The following YTHDC2 variants were observed in gnomAD, a reference collection of about 807,000 sequenced individuals.
The protein encoded by YTHDC2 is 3'-5' RNA helicase YTHDC2.
YTHDC2 carries 45 observed loss-of-function variants against 174.9 expected under a neutral mutation model. The ratio of observed to expected loss-of-function variants is 0.26; its 90% CI spans 0.20 to 0.33. The LOEUF is 0.33. Ranked by LOEUF, YTHDC2 falls within the 10% of genes least tolerant of loss-of-function variation. The probability of loss-of-function intolerance (pLI) is 1.00; values close to 1 mark genes in which losing one functional copy is unlikely to be tolerated. For missense variants in YTHDC2, 1,650 were observed against 1,723.7 expected, an observed-to-expected ratio of 0.96 and a Z score of 0.76; for synonymous variants, 657 against 574.5, an observed-to-expected ratio of 1.14 and a Z score of -2.05.
chr5:113,563,961 G>A lies in YTHDC2; in HGVS notation c.2545G>A (p.Val849Ile), dbSNP rs145628878. 11 of 1,614,158 alleles carry A rather than the reference G, an allele frequency of 6.8e-6. No individual in the cohort carries two copies. The highest frequency in any genetic ancestry group is 8.5e-6 in the Non-Finnish European group (10 of 1,180,026). The change falls in exon 20 of 30, where the codon GTT becomes ATT. Residue 849 changes from valine to isoleucine, a missense_variant. Val to Ile is a conservative substitution (Grantham distance 29). Coordinates refer to ENST00000161863, the MANE Select transcript of YTHDC2 (RefSeq NM_022828.5). ...PHLGKMVLCA[V>I]VLKCLDPILT... ...TCTTGGTAAAATGGTCTTGTGTGCT[G>A]TTGTTTTAAAGTGTCTGGACCCCAT...
chr5:113,560,364 TTC>T (rs1230074727), intron 17 of YTHDC2, among the ~76,000 whole-genome samples: 4 of 152,208 alleles, frequency 2.6e-5, no homozygotes, highest in Non-Finnish European at 5.9e-5. Flanking sequence ...TTTTATTTTT[TTC>T]TCTTTTAATT....
intron 26 of YTHDC2, among the ~76,000 whole-genome samples, chr5:113,588,632 T>A (rs1476347355): frequency 7.0e-6 from 1 of 143,094 alleles, no homozygotes; most frequent in Non-Finnish European, 1.5e-5. Flanking sequence ...ATTTATATTA[T>A]TTTTTTTTGA....
At chr5:113,562,876 GTAGT>G (rs1050136020) in intron 18 of YTHDC2, among the ~76,000 whole-genome samples, 39 of 152,164 alleles carry the variant, frequency 2.6e-4, no homozygotes, top group African/African-American at 7.9e-4. Flanking sequence ...TCGTAATTAA[GTAGT>G]TAATTATATA....
At chr5:113,565,361 C>A (rs1480176613) in intron 20 of YTHDC2, among the ~76,000 whole-genome samples, 2 of 152,110 alleles carry the variant, frequency 1.3e-5, no homozygotes, top group African/African-American at 4.8e-5. Context: ...CCAGCTCCTT[C>A]AAAAGCAGAG....
At chr5:113,566,998 C>A in intron 21 of YTHDC2, 94 bp from the exon 22 acceptor site, 1 of 1,360,282 alleles carries the variant, frequency 7.4e-7, no homozygotes, top group Non-Finnish European at 9.9e-7. Context: ...TTGAATATCA[C>A]AAAATTTACA....
chr5:113,545,026 A>G (rs146544397), intron 10 of YTHDC2, among the ~76,000 whole-genome samples: 16 of 152,186 alleles, frequency 1.1e-4, no homozygotes, highest in African/African-American at 3.6e-4. Context: ...TGAGCTTGAG[A>G]TATTCTGTTT....
At chr5:113,521,879 A>C (rs1254688049) in intron 2 of YTHDC2, among the ~76,000 whole-genome samples, 2 of 151,412 alleles carry the variant, frequency 1.3e-5, no homozygotes, top group East Asian at 3.9e-4. Flanking sequence ...CATAGTGACC[A>C]TACCTTGAAA....
chr5:113,535,725 A>G lies in YTHDC2; in HGVS notation c.1029A>G (p.Lys343=). ...TGTTGCAAAAGCACCCAACTTTGAA[A>G]CTAATTCTTTCTAGTGCTGCCTTGG... is the stretch of plus-strand genomic sequence containing the variant. ...RDLLQKHPTL[K]LILSSAALDV... Residue 343 remains lysine, a synonymous_variant, in exon 7 of 30, where the codon AAA becomes AAG. Transcript: ENST00000161863. The G allele has an allele frequency of 6.2e-7, 1 of 1,613,826 alleles. No individual in the cohort carries two copies. Among genetic ancestry groups the G allele is most frequent in the Non-Finnish European group, 8.5e-7 (1 of 1,179,874 alleles).
chr5:113,557,513 G>T (rs965449472), intron 17 of YTHDC2, among the ~76,000 whole-genome samples: 2 of 152,154 alleles, frequency 1.3e-5, no homozygotes, highest in African/African-American at 4.8e-5. Flanking sequence ...TGTGGGTAAG[G>T]CTGGGTGTAG....
At chr5:113,586,230 G>GT (rs1377854217) in intron 26 of YTHDC2, among the ~76,000 whole-genome samples, 1 of 151,916 alleles carries the variant, frequency 6.6e-6, no homozygotes, top group East Asian at 1.9e-4. Context: ...GGCCATTATA[G>GT]TTTTAATTTG....
In YTHDC2 at chr5:113,539,088, T is replaced by C. The variant is rs1406671202; in HGVS notation, c.1117T>C (p.Phe373Leu). ...TTATTATTTAGTACAGGGAAGACCATTTGAAGTAAAAGAAATGTTTCTGGA... is the reference window on the plus strand; with the variant it reads ...TTATTATTTAGTACAGGGAAGACCACTTGAAGTAAAAGAAATGTTTCTGGA... The part of the protein sequence containing the change: ...CPVIYIQGRP[F>L]EVKEMFLEDI... The change falls in exon 8 of 30, where the codon TTT becomes CTT. Residue 373 changes from phenylalanine to leucine, a missense_variant. Transcript: ENST00000161863. 2.1e-6 allele frequency: 3 copies of C among 1,411,288 alleles called. No individual in the cohort carries two copies. The highest frequency in any genetic ancestry group is 2.6e-5 in the Admixed American group (1 of 39,086). 87.4% of individuals were successfully genotyped at this position (1,411,288 alleles called of 1,614,324 possible).
intron 23 of YTHDC2, among the ~76,000 whole-genome samples, chr5:113,577,028 TAAGTTTTTCC>T (rs1252117310): frequency 6.6e-6 from 1 of 152,176 alleles, no homozygotes; most frequent in East Asian, 1.9e-4. Context: ...AACAAAGATC[TAAGTTTTTCC>T]AAGTGCTTTC....
intron 21 of YTHDC2, 24 bp downstream of exon 21, chr5:113,566,043 C>A: frequency 1.3e-6 from 2 of 1,584,128 alleles, no homozygotes; most frequent in Non-Finnish European, 1.7e-6. Flanking sequence ...CTCAAAGAGC[C>A]TATTTAAGTT....
chr5:113,524,922 C>G lies in YTHDC2; in HGVS notation c.279-59C>G, dbSNP rs1774113849. ...GAGACATATTTTCTAAGTGGGCATA[C>G]ATCATATGTGAACAAGTTGACTTTA... On this transcript the variant is annotated intron_variant, in intron 2 of 29. Transcript: ENST00000161863. 8 of 1,269,380 alleles carry G rather than the reference C, an allele frequency of 6.3e-6. No homozygotes were observed. In the Admixed American group the frequency reaches 2.3e-4, roughly 37 times the overall value. 78.6% of individuals were successfully genotyped at this position (1,269,380 alleles called of 1,614,324 possible). A position where few individuals can be genotyped will look rare whatever the true frequency, so the allele number is the denominator to read the frequency against.
In YTHDC2 at chr5:113,544,682, C is replaced by G. The variant is rs192578683; in HGVS notation, c.1495+2179C>G. 2.8e-3 allele frequency among the ~76,000 whole-genome samples: 401 copies of G among 140,980 alleles called. 1 individual carries two copies. The highest frequency in any genetic ancestry group is 0.01 in the Middle Eastern group (3 of 290). 92.5% of individuals were successfully genotyped at this position (140,980 alleles called of 152,430 possible). Reference sequence around the variant, plus strand: ...GTATATGAAGATGATTATTCTTTTTCTTTTAAATTTTTTGTTTTTTTTTTG... The same window carrying G: ...GTATATGAAGATGATTATTCTTTTTGTTTTAAATTTTTTGTTTTTTTTTTG... On this transcript the variant is annotated intron_variant, in intron 10 of 29. Transcript: ENST00000161863.
chr5:113,558,284 T>C (rs559055741), intron 17 of YTHDC2, among the ~76,000 whole-genome samples: 1 of 152,246 alleles, frequency 6.6e-6, no homozygotes, highest in South Asian at 2.1e-4. Context: ...TGGGATGACA[T>C]GAGTATAGTA....
chr5:113,544,207 G>T (rs1342505440), intron 10 of YTHDC2, among the ~76,000 whole-genome samples: 1 of 152,080 alleles, frequency 6.6e-6, no homozygotes, highest in Non-Finnish European at 1.5e-5. Flanking sequence ...GGAGTGCAGT[G>T]GTGTGATCTT....
intron 17 of YTHDC2, among the ~76,000 whole-genome samples, chr5:113,556,945 A>C (rs937215263): frequency 1.3e-5 from 2 of 152,214 alleles, no homozygotes; most frequent in African/African-American, 4.8e-5. Flanking sequence ...CTTTCTGGGT[A>C]GCTGTTAAAA....
At chr5:113,521,752 A>C (rs903263516) in intron 2 of YTHDC2, among the ~76,000 whole-genome samples, 1 of 150,664 alleles carries the variant, frequency 6.6e-6, no homozygotes, top group Non-Finnish European at 1.5e-5. Flanking sequence ...AAGAAAAAAA[A>C]CCCAGAAAAA....
Sources: allele counts gnomAD v4.1 joint callset (sites outside exome capture counted in the v4.1 genomes callset), GRCh38; gene constraint gnomAD v4.1.1; transcripts MANE v1.5; gene names NCBI Gene and HGNC (gene_info 2026-07-23, HGNC 2026-07-21).